PTPN21: variants seen among roughly 807,000 people sequenced by gnomAD.
PTPN21 encodes the protein tyrosine-protein phosphatase non-receptor type 21.
PTPN21 carries 77 observed loss-of-function variants against 131.8 expected under a neutral mutation model. The ratio of observed to expected loss-of-function variants is 0.58; its 90% CI spans 0.49 to 0.71. PTPN21 has a LOEUF of 0.71. PTPN21 is among the 30% of genes least tolerant of loss of function. The pLI is 0.00. For missense variants in PTPN21, 1,552 were observed against 1,527.1 expected (o/e 1.02, Z -0.27); for synonymous variants, 715 against 621.3 (o/e 1.15, Z -2.24).
intron 1 of PTPN21, among the ~76,000 whole-genome samples, chr14:88,553,640 G>A (rs2078892448): frequency 6.6e-6 from 1 of 151,384 alleles, no homozygotes; most frequent in Non-Finnish European, 1.5e-5. Context: ...AAATCTTTCC[G>A]TTTTGTGGTA....
intron 2 of PTPN21, among the ~76,000 whole-genome samples, chr14:88,531,037 C>T (rs2078549510): frequency 6.6e-6 from 1 of 152,032 alleles, no homozygotes; most frequent in Non-Finnish European, 1.5e-5. Flanking sequence ...ATATGATAGG[C>T]CACAAAACAA....
At chr14:88,554,550 T>A (rs1163599533) in intron 1 of PTPN21, 101 bp downstream of exon 1, 1 of 151,614 alleles carries the variant, frequency 6.6e-6, no homozygotes, top group Non-Finnish European at 1.5e-5. Flanking sequence ...TCTCCGGGAT[T>A]CCGGGGCCGC....
chr14:88,526,548 A>C (rs1003791176), intron 2 of PTPN21, among the ~76,000 whole-genome samples: 2 of 7,020 alleles, frequency 2.8e-4, no homozygotes, highest in East Asian at 6.0e-3. Flanking sequence ...AGATGATCTC[A>C]AAAAAAAAAA....
chr14:88,471,246 C>A (rs1043600051), intron 15 of PTPN21, among the ~76,000 whole-genome samples: 1 of 152,138 alleles, frequency 6.6e-6, no homozygotes, highest in Non-Finnish European at 1.5e-5. Flanking sequence ...AAGAAAAAAA[C>A]CACCACCTGT....
chr14:88,501,200 G>C lies in PTPN21; in HGVS notation c.675+81C>G, dbSNP rs553493324. On this transcript the variant is annotated intron_variant, in intron 7 of 18. Transcript: ENST00000556564. Reference sequence around the variant, plus strand: ...GCACGTCCTCAGCCTTTGCACATAAGGACATCCTTGGATTTCCCCATGATT... The same window carrying C: ...GCACGTCCTCAGCCTTTGCACATAACGACATCCTTGGATTTCCCCATGATT... 4.7e-6 allele frequency: 6 copies of C among 1,275,620 alleles called. No homozygotes were observed. The South Asian group carries it at 6.0e-5, about 13-fold the overall frequency. 79.0% of individuals were successfully genotyped at this position (1,275,620 alleles called of 1,614,324 possible).
chr14:88,519,207 G>C (rs2078351996), intron 2 of PTPN21, among the ~76,000 whole-genome samples: 1 of 152,216 alleles, frequency 6.6e-6, no homozygotes, highest in Admixed American at 6.5e-5. Context: ...TGAAATGACA[G>C]CCTCAAGCCA....
chr14:88,483,294 T>G (rs1484889316), intron 12 of PTPN21, among the ~76,000 whole-genome samples: 1 of 150,718 alleles, frequency 6.6e-6, no homozygotes, highest in Non-Finnish European at 1.5e-5. Context: ...TGAACAATAT[T>G]AAGATGTTTA....
intron 10 of PTPN21, among the ~76,000 whole-genome samples, chr14:88,486,912 G>A (rs113672722): frequency 0.036 from 5,446 of 150,428 alleles, 333 homozygotes; most frequent in African/African-American, 0.13. Flanking sequence ...GGAGGCAGAG[G>A]TTGCAGTGAG....
chr14:88,550,622 G>T lies in PTPN21; in HGVS notation c.-202-3C>A. ...GGAAGGGAGCATTGACGCCAGCGCT[G>T]GGGAAAGAGGAACGCCGTTAGTTAA... On this transcript the variant is annotated splice_region_variant and splice_polypyrimidine_tract_variant and intron_variant, in intron 1 of 18. Coordinates refer to ENST00000556564, the MANE Select transcript of PTPN21 (RefSeq NM_007039.4). The T allele has an allele frequency of 1.9e-6, 1 of 519,258 alleles. No homozygotes were observed. Among genetic ancestry groups the T allele is most frequent in the Non-Finnish European group, 3.4e-6 (1 of 296,472 alleles). 32.2% of individuals were successfully genotyped at this position (519,258 alleles called of 1,614,324 possible).
chr14:88,526,491 A>G (rs1189100882), intron 2 of PTPN21, among the ~76,000 whole-genome samples: 2 of 130,210 alleles, frequency 1.5e-5, no homozygotes. Flanking sequence ...CAGAGGTTGC[A>G]GTGAGCCAGG....
intron 3 of PTPN21, among the ~76,000 whole-genome samples, chr14:88,509,178 C>T (rs1487102535): frequency 6.7e-6 from 1 of 149,654 alleles, no homozygotes; most frequent in African/African-American, 2.6e-5. Context: ...TTACTACTTC[C>T]TTTTATTTAT....
At chr14:88,472,799 G>A (rs2077491557) in intron 14 of PTPN21, among the ~76,000 whole-genome samples, 1 of 152,068 alleles carries the variant, frequency 6.6e-6, no homozygotes, top group Non-Finnish European at 1.5e-5. Context: ...GAGCCCAGGA[G>A]GTTGAGGCTG....
chr14:88,501,904 G>A lies in PTPN21; in HGVS notation c.588-536C>T, dbSNP rs955486055. The stretch of plus-strand genomic sequence containing the variant: ...GAAGGCTGAGGTGGGAAGACTGCTT[G>A]AGCCCAGGAGTTCAAGGATGCAGTG... On this transcript the variant is annotated intron_variant, in intron 6 of 18. Transcript: ENST00000556564. Among the ~76,000 whole-genome samples, 3 of 151,972 alleles carry A rather than the reference G, an allele frequency of 2.0e-5. No individual in the cohort carries two copies. In the East Asian group the frequency reaches 5.8e-4, roughly 29 times the overall value.
intron 2 of PTPN21, among the ~76,000 whole-genome samples, chr14:88,543,170 G>T (rs1483526975): frequency 6.6e-6 from 1 of 152,174 alleles, no homozygotes; most frequent in African/African-American, 2.4e-5. Context: ...TTCTAAAGTT[G>T]TGCTTGAGGG....
chr14:88,479,797 G>A lies in PTPN21; in HGVS notation c.1634C>T (p.Ala545Val), dbSNP rs1308374337. The A allele has an allele frequency of 3.9e-6, 6 of 1,545,268 alleles. No individual in the cohort carries two copies. Among genetic ancestry groups the A allele is most frequent in the African/African-American group, 2.7e-5 (2 of 73,806 alleles). ...GAVSVPELTN[A>V]QLQAQDYPSP... ...CGGGTAGTCCTGCGCCTGCAGCTGC[G>A]CATTGGTCAGCTCCGGCACGCTGAC... The change falls in exon 13 of 19, where the codon GCG becomes GTG. Residue 545 changes from alanine (A) to valine (V), a missense_variant. This residue lies in a region of PTPN21 where 1,016 missense variants were observed against 883.5 expected (regional missense o/e 1.15). Transcript: ENST00000556564.
chr14:88,509,547 C>A (rs2078145548), intron 3 of PTPN21, among the ~76,000 whole-genome samples: 1 of 152,192 alleles, frequency 6.6e-6, no homozygotes, highest in African/African-American at 2.4e-5. Flanking sequence ...ACAGCCAAAC[C>A]CATGGATTTC....
At position 88,469,709 on chromosome 14, in the gene PTPN21, T is replaced by TA; in HGVS notation, c.3024dup (p.Arg1009Ter). ...CTGGAACCAAGTCGTGGCCAGTACC[T>TA]AAAGCTCTTCTCCCTTCCACCCTCC... is the stretch of plus-strand genomic sequence containing the variant. On this transcript the variant is annotated frameshift_variant, in exon 17 of 19. Coordinates refer to ENST00000556564, the MANE Select transcript of PTPN21 (RefSeq NM_007039.4). LOFTEE classifies it high-confidence loss of function. The surrounding 1 kb of genome is among the most constrained non-coding windows in gnomAD (Gnocchi z 4.3). 1 of 1,614,208 alleles carries TA rather than the reference T, an allele frequency of 6.2e-7. No homozygotes were observed. Among genetic ancestry groups the TA allele is most frequent in the Non-Finnish European group, 8.5e-7 (1 of 1,180,032 alleles).
intron 2 of PTPN21, among the ~76,000 whole-genome samples, chr14:88,523,588 G>A (rs920195964): frequency 6.6e-6 from 1 of 152,082 alleles, no homozygotes; most frequent in Non-Finnish European, 1.5e-5. Context: ...TGTACTGAAG[G>A]TTCTAACCAG....
At chr14:88,544,236 T>G (rs2078743902) in intron 2 of PTPN21, among the ~76,000 whole-genome samples, 2 of 151,972 alleles carry the variant, frequency 1.3e-5, no homozygotes, top group Admixed American at 1.3e-4. Flanking sequence ...TCCCAGCTAC[T>G]TGGGAGGCTG....
Sources: gnomAD v4.1 joint callset for allele counts (sites outside exome capture counted in the v4.1 genomes callset) on GRCh38, gnomAD v4.1.1 for gene constraint, gnomAD v4.1.1 regional missense constraint, Gnocchi (gnomAD v3.1) non-coding constraint, MANE v1.5 for transcripts, NCBI Gene and HGNC (gene_info 2026-07-23, HGNC 2026-07-21) for gene names.